The following MMD2 variants were observed in gnomAD, a reference collection of about 807,000 sequenced individuals.
The protein encoded by MMD2 is monocyte to macrophage differentiation associated 2.
In MMD2, 30 loss-of-function variants were observed where a neutral mutation model predicts 33.5. The ratio of observed to expected loss-of-function variants is 0.90; its 90% confidence interval spans 0.67 to 1.22. The LOEUF (loss-of-function observed/expected upper bound fraction) is 1.22, where lower values mean the gene tolerates loss of function less well. MMD2 is among the 50% of genes most tolerant of loss of function. The probability of loss-of-function intolerance (pLI) is 0.00; values close to 1 mark genes in which losing one functional copy is unlikely to be tolerated. For synonymous variants in MMD2, 129 were observed against 123.0 expected, an observed-to-expected ratio of 1.05 and a Z score of -0.32; for missense variants, 364 against 325.4, an observed-to-expected ratio of 1.12 and a Z score of -0.91.
At chr7:4,896,704 T>A in the MMD2 span, among the ~76,000 whole-genome samples, 2 of 152,150 alleles carry the variant, frequency 1.3e-5, no homozygotes, top group African/African-American at 4.8e-5. Context: ...TTAGGATAAT[T>A]TATGATATGC....
Position 4,959,092 on chromosome 7 carries a change from GGCA to G in MMD2, c.-78_-76del. ...GGCAGAGCCTGGGGGGCGCGGCGGCGGCAGCAGCAGGTTGGAGGGCGCGCGGCG... is the reference window on the plus strand; with the variant it reads ...GGCAGAGCCTGGGGGGCGCGGCGGCGGCAGCAGGTTGGAGGGCGCGCGGCG... On this transcript the variant is annotated 5_prime_UTR_variant, in exon 1 of 7. Transcript: ENST00000401401. 8.4e-7 allele frequency: 1 copy of G among 1,188,946 alleles called. No homozygotes were observed. Among genetic ancestry groups the G allele is most frequent in the Non-Finnish European group, 1.1e-6 (1 of 939,366 alleles). 73.6% of individuals were successfully genotyped at this position (1,188,946 alleles called of 1,614,324 possible).
At chr7:4,938,750 A>G (rs1785820894) in intron 1 of MMD2, among the ~76,000 whole-genome samples, 2 of 152,194 alleles carry the variant, frequency 1.3e-5, no homozygotes, top group South Asian at 2.1e-4. Flanking sequence ...AGGCATGAGA[A>G]ATGTTATTTT....
At chr7:4,901,145 A>G (rs2115075666), downstream of MMD2, among the ~76,000 whole-genome samples, 1 of 150,228 alleles carries the variant, frequency 6.7e-6, no homozygotes, top group African/African-American at 2.5e-5. Context: ...TATCTAAAAA[A>G]AAAGTGGGAT....
intron 4 of MMD2, among the ~76,000 whole-genome samples, chr7:4,912,422 C>T (rs1282674696): frequency 1.3e-5 from 2 of 150,100 alleles, no homozygotes; most frequent in Non-Finnish European, 3.0e-5. Context: ...ATGAGCCAGG[C>T]GTGGTGTCGG....
chr7:4,957,899 C>G (rs1179376348), intron 1 of MMD2, among the ~76,000 whole-genome samples: 1 of 152,190 alleles, frequency 6.6e-6, no homozygotes, highest in African/African-American at 2.4e-5. Context: ...CTCCTCTTGT[C>G]AAGCTGTGCT....
intron 1 of MMD2, among the ~76,000 whole-genome samples, chr7:4,943,053 AGGCT>A (rs1785955511): frequency 8.3e-6 from 1 of 120,864 alleles, no homozygotes; most frequent in Admixed American, 1.1e-4. Context: ...ACTGTCACCC[AGGCT>A]GGAGTGCAGT....
chr7:4,936,786 G>C (rs1386190831), intron 1 of MMD2, among the ~76,000 whole-genome samples: 1 of 152,034 alleles, frequency 6.6e-6, no homozygotes, highest in East Asian at 1.9e-4. Flanking sequence ...CCAGGCTGGA[G>C]TGCAATGGCG....
intron 2 of MMD2, among the ~76,000 whole-genome samples, chr7:4,924,609 G>A (rs188069035): frequency 1.7e-4 from 26 of 152,294 alleles, no homozygotes; most frequent in African/African-American, 6.0e-4. Flanking sequence ...ACAATGGCTG[G>A]GGAGGCAGGC....
At chr7:4,945,203 C>CTTCTTCTTCTTCTTCTTCTTA (rs1786032259) in intron 1 of MMD2, among the ~76,000 whole-genome samples, 1 of 138,454 alleles carries the variant, frequency 7.2e-6, no homozygotes, top group Non-Finnish European at 1.5e-5. Context: ...TCTTCTTCTT[C>CTTCTTCTTCTTCTTCTTCTTA]TTCTTCTTCT....
intron 6 of MMD2, 24 bp downstream of exon 6, chr7:4,909,857 C>G (rs542339845): frequency 6.2e-7 from 1 of 1,600,134 alleles, no homozygotes; most frequent in African/African-American, 1.3e-5. Context: ...AGGGACTCAT[C>G]TATGCAGGGC....
intron 1 of MMD2, among the ~76,000 whole-genome samples, chr7:4,952,689 A>ATT (rs36030563): frequency 2.7e-4 from 30 of 110,582 alleles, no homozygotes; most frequent in Admixed American, 4.8e-4. Flanking sequence ...TCCGTATGAG[A>ATT]TTTTTTTTTT....
intron 4 of MMD2, 108 bp from the exon 5 acceptor site, chr7:4,911,354 C>A (rs1243377111): frequency 1.7e-5 from 14 of 809,984 alleles, no homozygotes. Flanking sequence ...GTCCTGTCAC[C>A]TGTGACTCCA....
In MMD2 at chr7:4,937,502, G is replaced by A. The variant is rs553433580; in HGVS notation, c.48-11970C>T. On this transcript the variant is annotated intron_variant, in intron 1 of 6. Transcript: ENST00000401401. ...TATTATAAATTATAAATTATTTTTT[G>A]CTGTTTTGTTTTTTAGAGAAAATAA... Among the ~76,000 whole-genome samples the A allele has an allele frequency of 2.6e-5, 4 of 152,156 alleles. No individual in the cohort carries two copies. The South Asian group carries it at 8.3e-4, about 32-fold the overall frequency.
intron 1 of MMD2, among the ~76,000 whole-genome samples, chr7:4,948,833 A>G (rs570046536): frequency 4.6e-5 from 7 of 152,174 alleles, no homozygotes; most frequent in Non-Finnish European, 8.8e-5. Flanking sequence ...ATAAATTTCT[A>G]TGGTTTATAA....
chr7:4,935,010 A>AC (rs1785698511), intron 1 of MMD2, among the ~76,000 whole-genome samples: 1 of 151,980 alleles, frequency 6.6e-6, no homozygotes, highest in African/African-American at 2.4e-5. Context: ...ACATGGTGAA[A>AC]CCCCATCTCT....
chr7:4,910,462 G>T (rs1417170387), intron 5 of MMD2, among the ~76,000 whole-genome samples: 1 of 151,974 alleles, frequency 6.6e-6, no homozygotes, highest in Admixed American at 6.6e-5. Flanking sequence ...TTTCCCCACT[G>T]AATTATTTCC....
intron 6 of MMD2, among the ~76,000 whole-genome samples, chr7:4,908,198 G>C (rs1784913669): frequency 2.7e-5 from 4 of 149,994 alleles, no homozygotes; most frequent in African/African-American, 7.4e-5. Flanking sequence ...CTAGAGTGCA[G>C]TAGCGAGATC....
chr7:4,893,303 G>A, the MMD2 span, among the ~76,000 whole-genome samples: 3 of 151,952 alleles, frequency 2.0e-5, no homozygotes, highest in Non-Finnish European at 4.4e-5. Context: ...ATAAAAGAAT[G>A]ACTACTCCAT....
intron 1 of MMD2, among the ~76,000 whole-genome samples, chr7:4,958,664 T>A (rs1300970329): frequency 6.6e-6 from 1 of 152,164 alleles, no homozygotes; most frequent in Non-Finnish European, 1.5e-5. Context: ...GCTCGCTTAA[T>A]CCTCACGGCG....
Sources: gnomAD v4.1 joint callset for allele counts (sites outside exome capture counted in the v4.1 genomes callset) on GRCh38, gnomAD v4.1.1 for gene constraint, MANE v1.5 for transcripts, NCBI Gene and HGNC (gene_info 2026-07-23, HGNC 2026-07-21) for gene names.